Variants in PCDH15 observed in about 807,000 individuals in gnomAD.
The protein encoded by PCDH15 is protocadherin related 15.
Under a neutral mutation model 178.5 loss-of-function variants are expected in PCDH15, and 129 were observed. The observed-to-expected ratio is 0.72, with a 90% CI of 0.63 to 0.84. PCDH15 has a LOEUF of 0.84. Among genes scored for constraint, PCDH15 ranks in the 40% least tolerant of loss-of-function variants. PCDH15 has a pLI of 0.00. For synonymous variants in PCDH15, 800 were observed against 732.0 expected (o/e 1.09, Z -1.50); for missense variants, 2,230 against 2,099.9 (o/e 1.06, Z -1.21).
At chr10:54,199,686 C>A (rs2050039812) in intron 10 of PCDH15, among the ~76,000 whole-genome samples, 1 of 151,680 alleles carries the variant, frequency 6.6e-6, no homozygotes, top group African/African-American at 2.4e-5. Context: ...TCTCAAAAAT[C>A]TGAATTATTC....
chr10:55,314,199 GTATATA>G (rs34097929), intron 1 of PCDH15, among the ~76,000 whole-genome samples: 20 of 142,832 alleles, frequency 1.4e-4, no homozygotes, highest in African/African-American at 4.6e-4. Flanking sequence ...ATGTTTGTGT[GTATATA>G]TATATATATA....
rs145360497 is a variant in PCDH15 at position 55,353,338 on chromosome 10, A to T, written c.-155-186687T>A. Among the ~76,000 whole-genome samples the T allele has an allele frequency of 2.0e-3, 311 of 152,272 alleles. 1 individual carries two copies. Among genetic ancestry groups the T allele is most frequent in the African/African-American group, 7.1e-3 (293 of 41,560 alleles). Reference sequence around the variant, plus strand: ...TTGAGCCTAGTTATAATGACTTAAAATTCATGGTCTGAAACCGCAATTACT... The same window carrying T: ...TTGAGCCTAGTTATAATGACTTAAATTTCATGGTCTGAAACCGCAATTACT... On this transcript the variant is annotated intron_variant, in intron 2 of 5. Transcript: ENST00000613346.
At chr10:54,351,766 T>G (rs1944224778) in intron 5 of PCDH15, among the ~76,000 whole-genome samples, 1 of 152,160 alleles carries the variant, frequency 6.6e-6, no homozygotes. Flanking sequence ...CCACCTTTTT[T>G]TGCTTCCATG....
At chr10:54,700,476 A>T (rs2095294787) in intron 1 of PCDH15, among the ~76,000 whole-genome samples, 1 of 152,102 alleles carries the variant, frequency 6.6e-6, no homozygotes, top group Non-Finnish European at 1.5e-5. Context: ...ATACAATACA[A>T]CAATACAAGA....
chr10:54,089,548 G>A (rs969333887), intron 16 of PCDH15, among the ~76,000 whole-genome samples: 4 of 152,092 alleles, frequency 2.6e-5, no homozygotes, highest in Non-Finnish European at 4.4e-5. Context: ...GCATGAACAC[G>A]TATTTTATTT....
intron 3 of PCDH15, among the ~76,000 whole-genome samples, chr10:54,868,317 T>A (rs545549312): frequency 6.6e-6 from 1 of 152,310 alleles, no homozygotes; most frequent in Non-Finnish European, 1.5e-5. Flanking sequence ...TCTGCAGACA[T>A]CAGTTGTTGA....
chr10:54,533,230 A>G (rs2084116630), intron 2 of PCDH15, among the ~76,000 whole-genome samples: 1 of 152,178 alleles, frequency 6.6e-6, no homozygotes, highest in Non-Finnish European at 1.5e-5. Context: ...AATTGGTTTC[A>G]TTTTATGTCA....
chr10:54,721,024 T>G (rs2132502307), intron 1 of PCDH15, among the ~76,000 whole-genome samples: 1 of 152,100 alleles, frequency 6.6e-6, no homozygotes, highest in South Asian at 2.1e-4. Context: ...TAACAATAAA[T>G]CATATCAAGT....
At chr10:53,923,352 T>G (rs961889601) in intron 25 of PCDH15, among the ~76,000 whole-genome samples, 1 of 152,104 alleles carries the variant, frequency 6.6e-6, no homozygotes, top group African/African-American at 2.4e-5. Context: ...TTCCTGGGAA[T>G]AAAAAATGAA....
chr10:55,404,363 G>A (rs1359594356), intron 2 of PCDH15, among the ~76,000 whole-genome samples: 1 of 152,032 alleles, frequency 6.6e-6, no homozygotes, highest in Non-Finnish European at 1.5e-5. Flanking sequence ...TTCCATGATG[G>A]AAAACGCTAT....
At chr10:54,542,147 G>A (rs567598836) in intron 2 of PCDH15, among the ~76,000 whole-genome samples, 114 of 152,306 alleles carry the variant, frequency 7.5e-4, no homozygotes, top group African/African-American at 2.5e-3. Context: ...GGTACGGGAT[G>A]TTGAAGCAAT....
chr10:54,081,715 A>G (rs1430243940), intron 16 of PCDH15, among the ~76,000 whole-genome samples: 1 of 152,156 alleles, frequency 6.6e-6, no homozygotes, highest in East Asian at 1.9e-4. Flanking sequence ...ACACTTAGTA[A>G]TGCAATACAC....
intron 2 of PCDH15, among the ~76,000 whole-genome samples, chr10:54,615,455 G>A (rs1323728540): frequency 1.3e-5 from 2 of 152,024 alleles, no homozygotes; most frequent in Non-Finnish European, 2.9e-5. Context: ...GAAGAAATAA[G>A]TCCAAGAAAA....
intron 2 of PCDH15, among the ~76,000 whole-genome samples, chr10:54,535,467 T>C (rs1351497975): frequency 6.6e-6 from 1 of 152,022 alleles, no homozygotes; most frequent in South Asian, 2.1e-4. Flanking sequence ...TCCCAGCACT[T>C]TGGGAGGCCG....
intron 2 of PCDH15, among the ~76,000 whole-genome samples, chr10:54,937,341 C>T (rs1837933621): frequency 6.6e-6 from 1 of 151,706 alleles, no homozygotes; most frequent in South Asian, 2.1e-4. Flanking sequence ...CGAATTTCTG[C>T]AAGAACAAAA....
At chr10:55,184,424 T>C (rs752447858) in intron 1 of PCDH15, among the ~76,000 whole-genome samples, 1 of 152,010 alleles carries the variant, frequency 6.6e-6, no homozygotes, top group Non-Finnish European at 1.5e-5. Context: ...TTTTAAGCCA[T>C]AAACTCCATC....
At chr10:54,203,077 CT>C (rs1284576863) in intron 10 of PCDH15, among the ~76,000 whole-genome samples, 6 of 152,044 alleles carry the variant, frequency 3.9e-5, no homozygotes, top group African/African-American at 1.4e-4. Flanking sequence ...ATGGATAGTC[CT>C]TATAATCTGG....
chr10:55,580,365 T>A (rs1484789971), intron 2 of PCDH15, among the ~76,000 whole-genome samples: 4 of 150,470 alleles, frequency 2.7e-5, no homozygotes, highest in African/African-American at 7.3e-5. Flanking sequence ...TTTTTATTTT[T>A]TTTTTTTTTT....
At chr10:54,747,051 C>T (rs1945557913) in intron 1 of PCDH15, among the ~76,000 whole-genome samples, 1 of 152,228 alleles carries the variant, frequency 6.6e-6, no homozygotes, top group Non-Finnish European at 1.5e-5. Context: ...TGAGTTGTAA[C>T]ACCAGTTGTG....
Sources: gnomAD v4.1 joint callset for allele counts (sites outside exome capture counted in the v4.1 genomes callset) on GRCh38, gnomAD v4.1.1 for gene constraint, MANE v1.5 for transcripts, NCBI Gene and HGNC (gene_info 2026-07-23, HGNC 2026-07-21) for gene names.